Variants in SLC9A2 observed in about 807,000 individuals in gnomAD.
SLC9A2 encodes the protein sodium/hydrogen exchanger 2.
SLC9A2 carries 42 observed loss-of-function variants against 71.7 expected under a neutral mutation model. That is an observed-to-expected ratio of 0.59 (90% confidence interval 0.46 to 0.76). The LOEUF is 0.76. SLC9A2 is among the 30% of genes least tolerant of loss of function. The pLI, the probability that SLC9A2 is intolerant of heterozygous loss-of-function variation, is 0.00. For synonymous variants in SLC9A2, 396 were observed against 392.5 expected, an observed-to-expected ratio of 1.01 and a Z score of -0.10; for missense variants, 829 against 1,017.4, an observed-to-expected ratio of 0.81 and a Z score of 2.52.
At chr2:102,671,105 C>T (rs1677242123) in intron 3 of SLC9A2, among the ~76,000 whole-genome samples, 1 of 152,000 alleles carries the variant, frequency 6.6e-6, no homozygotes, top group African/African-American at 2.4e-5. Context: ...GCCAACTGAC[C>T]CTCATCTCAA....
intron 1 of SLC9A2, among the ~76,000 whole-genome samples, chr2:102,650,139 A>G (rs1314732696): frequency 6.6e-6 from 1 of 152,248 alleles, no homozygotes; most frequent in African/African-American, 2.4e-5. Context: ...CTATGCAGCC[A>G]TAAAAAAGAA....
At position 102,684,342 on chromosome 2, in the gene SLC9A2, T is replaced by C. The variant is rs756262244; in HGVS notation, c.1425+6T>C. On this transcript the variant is annotated splice_donor_region_variant and intron_variant, in intron 5 of 11. Transcript: ENST00000233969. ...TCTTTACTGTCTTCATTCTGGTAAG[T>C]AGAGTGATCCCTTTACCAGGAGGGT... The C allele has an allele frequency of 1.2e-6, 2 of 1,610,518 alleles. No homozygotes were observed. Among genetic ancestry groups the C allele is most frequent in the South Asian group, 1.1e-5 (1 of 91,016 alleles).
Position 102,701,231 on chromosome 2 carries a change from A to G in SLC9A2, c.1748A>G (p.Asn583Ser), listed in dbSNP as rs1393978137. 1 of 1,591,678 alleles carries G rather than the reference A, an allele frequency of 6.3e-7. No homozygotes were observed. Among genetic ancestry groups the G allele is most frequent in the Non-Finnish European group, 8.5e-7 (1 of 1,171,594 alleles). The change falls in exon 8 of 12, where the codon AAT becomes AGT. Residue 583 changes from asparagine (N) to serine (S), a missense_variant and splice_region_variant. Physicochemically the swap from Asn to Ser is conservative, Grantham distance 46. Around this residue, in one of 3 missense-constraint regions of SLC9A2, gnomAD observed 500 missense variants for 726.3 expected, o/e 0.69. Transcript: ENST00000233969. ...ACTGTCCCTACATTTGCATCTCTAAAGTAAGTATGGTCTTGCAAATAAAAG... is the reference window on the plus strand; with the variant it reads ...ACTGTCCCTACATTTGCATCTCTAAGGTAAGTATGGTCTTGCAAATAAAAG... The part of the protein sequence containing the change: ...ISTVPTFASL[N>S]DCREEKIRKV...
intron 2 of SLC9A2, 26 bp from the exon 3 acceptor site, chr2:102,665,074 A>G: frequency 6.3e-7 from 1 of 1,594,882 alleles, no homozygotes; most frequent in South Asian, 1.1e-5. Flanking sequence ...AAGGGTCTTG[A>G]CAAGGTGTTT....
chr2:102,664,111 A>T (rs935587107), intron 2 of SLC9A2, among the ~76,000 whole-genome samples: 2 of 152,020 alleles, frequency 1.3e-5, no homozygotes, highest in Non-Finnish European at 2.9e-5. Flanking sequence ...CCCCATCTCT[A>T]CTAAAAGTAC....
At chr2:102,706,544 T>C (rs1173681459) in intron 11 of SLC9A2, among the ~76,000 whole-genome samples, 1 of 152,134 alleles carries the variant, frequency 6.6e-6, no homozygotes, top group African/African-American at 2.4e-5. Context: ...CTGCACATTG[T>C]GCACATGTAC....
rs757054733 is a variant in SLC9A2 at position 102,695,114 on chromosome 2, G to GT, written c.1586+2dup. On this transcript the variant is annotated splice_donor_variant, in intron 7 of 11. Coordinates refer to ENST00000233969, the MANE Select transcript of SLC9A2 (RefSeq NM_003048.6). LOFTEE classifies it high-confidence loss of function. ...GGGGTCACAACTTTTGGAGAGACAA[G>GT]TAAGAAGGTCTTATGCCATTGGGTT... 8.1e-6 allele frequency: 13 copies of GT among 1,611,254 alleles called. No individual in the cohort carries two copies. In the African/African-American group the frequency reaches 1.7e-4, roughly 22 times the overall value.
At chr2:102,647,355 G>C (rs905750682) in intron 1 of SLC9A2, among the ~76,000 whole-genome samples, 3 of 152,144 alleles carry the variant, frequency 2.0e-5, no homozygotes, top group Non-Finnish European at 4.4e-5. Flanking sequence ...AGCATTAAGA[G>C]GGAAATTTGT....
intron 1 of SLC9A2, among the ~76,000 whole-genome samples, chr2:102,642,135 A>G (rs994281211): frequency 2.0e-5 from 3 of 152,200 alleles, no homozygotes; most frequent in Non-Finnish European, 4.4e-5. Flanking sequence ...ATTTCTAGGA[A>G]GGAAGAATCC....
intron 5 of SLC9A2, chr2:102,686,539 T>C (rs1040013187): frequency 6.6e-6 from 1 of 152,278 alleles, no homozygotes; most frequent in African/African-American, 2.4e-5. Context: ...ACTGTCTTTA[T>C]TATCAACACC....
At chr2:102,684,414 T>C in intron 5 of SLC9A2, 78 bp downstream of exon 5, 2 of 1,318,916 alleles carry the variant, frequency 1.5e-6, no homozygotes, top group Non-Finnish European at 2.2e-6. Flanking sequence ...GGATGCAAAG[T>C]AGCAAAGGTG....
At chr2:102,627,336 C>A (rs1372915185) in intron 1 of SLC9A2, among the ~76,000 whole-genome samples, 2 of 151,962 alleles carry the variant, frequency 1.3e-5, no homozygotes, top group Non-Finnish European at 2.9e-5. Flanking sequence ...ACAAAAAAAA[C>A]AAACTGTTCC....
chr2:102,634,419 C>G (rs574457184), intron 1 of SLC9A2, among the ~76,000 whole-genome samples: 2 of 152,178 alleles, frequency 1.3e-5, no homozygotes, highest in African/African-American at 4.8e-5. Context: ...GTAAAATGAG[C>G]TCATAGTAGC....
At chr2:102,687,352 A>G (rs1172872727) in intron 5 of SLC9A2, among the ~76,000 whole-genome samples, 1 of 152,224 alleles carries the variant, frequency 6.6e-6, no homozygotes, top group Non-Finnish European at 1.5e-5. Flanking sequence ...TTCAGAAAAG[A>G]TATCTTTTCC....
At chr2:102,625,109 G>A (rs116373970) in intron 1 of SLC9A2, among the ~76,000 whole-genome samples, 1,732 of 152,162 alleles carry the variant, frequency 0.011, 29 homozygotes, top group African/African-American at 0.04. Context: ...TTGGTTCCTC[G>A]TAAAGTTAAA....
At chr2:102,695,755 C>T (rs963374365) in intron 7 of SLC9A2, among the ~76,000 whole-genome samples, 31 of 96,806 alleles carry the variant, frequency 3.2e-4, no homozygotes, top group South Asian at 5.2e-4. Flanking sequence ...GCAGAAATAA[C>T]GTGTATATAT....
In SLC9A2 at chr2:102,655,681, A is replaced by G. The variant is rs567357325; in HGVS notation, c.290-1883A>G. Among the ~76,000 whole-genome samples, 152 of 152,314 alleles carry G rather than the reference A, an allele frequency of 1.0e-3. 1 individual carries two copies. The highest frequency in any genetic ancestry group is 3.2e-3 in the African/African-American group (135 of 41,560). Reference sequence around the variant, plus strand: ...ACTGAAACATTGAATGTGGTACATGACTGTATTATCTTTCTATAATTCAGA... The same window carrying G: ...ACTGAAACATTGAATGTGGTACATGGCTGTATTATCTTTCTATAATTCAGA... On this transcript the variant is annotated intron_variant, in intron 1 of 11. Transcript: ENST00000233969.
chr2:102,631,395 G>A (rs1202230824), intron 1 of SLC9A2, among the ~76,000 whole-genome samples: 3 of 151,846 alleles, frequency 2.0e-5, no homozygotes, highest in South Asian at 2.1e-4. Context: ...GAAGTCAAAT[G>A]TCTCATCCTC....
At chr2:102,654,084 G>A (rs937803258) in intron 1 of SLC9A2, among the ~76,000 whole-genome samples, 4 of 152,066 alleles carry the variant, frequency 2.6e-5, no homozygotes, top group African/African-American at 9.7e-5. Context: ...GCAGTCCTCC[G>A]ATGGCATGCT....
Sources: allele counts gnomAD v4.1 joint callset (sites outside exome capture counted in the v4.1 genomes callset), GRCh38; gene constraint gnomAD v4.1.1; regional missense constraint gnomAD v4.1.1; transcripts MANE v1.5; gene names NCBI Gene and HGNC (gene_info 2026-07-23, HGNC 2026-07-21).